KCNB2: variants seen among roughly 807,000 people sequenced by gnomAD.
KCNB2 encodes delayed rectifier potassium channel protein.
A neutral mutation model predicts 61.5 loss-of-function variants in KCNB2; 15 were observed. That is an observed-to-expected ratio of 0.24 (90% CI 0.16 to 0.38). The LOEUF is 0.38. KCNB2 is among the 10% of genes least tolerant of loss of function. The pLI is 1.00. For missense variants in KCNB2, 828 were observed against 1,125.2 expected (o/e 0.74, Z 3.78); for synonymous variants, 457 against 446.0 (o/e 1.02, Z -0.31).
intron 2 of KCNB2, among the ~76,000 whole-genome samples, chr8:72,898,668 T>G (rs1245383841): frequency 6.6e-6 from 1 of 152,152 alleles, no homozygotes; most frequent in Non-Finnish European, 1.5e-5. Flanking sequence ...ATTTTTTAAT[T>G]TCAACTTTTA....
intron 2 of KCNB2, among the ~76,000 whole-genome samples, chr8:72,841,361 C>CTTTT (rs796222096): frequency 2.3e-4 from 15 of 66,184 alleles, no homozygotes; most frequent in Admixed American, 3.0e-4. Context: ...GTTTTCTTTT[C>CTTTT]TTTTTTTTTT....
intron 2 of KCNB2, among the ~76,000 whole-genome samples, chr8:72,774,023 G>A (rs753239694): frequency 7.9e-5 from 12 of 152,130 alleles, no homozygotes; most frequent in Admixed American, 2.0e-4. Context: ...AATATCAAGG[G>A]CTTATTATAT....
At chr8:72,771,742 G>A (rs938536697) in intron 2 of KCNB2, among the ~76,000 whole-genome samples, 1 of 152,006 alleles carries the variant, frequency 6.6e-6, no homozygotes, top group Admixed American at 6.6e-5. Flanking sequence ...GGGAAGTCTT[G>A]CCAGGGTCAA....
At chr8:72,809,965 T>A (rs1809281609) in intron 2 of KCNB2, among the ~76,000 whole-genome samples, 1 of 152,210 alleles carries the variant, frequency 6.6e-6, no homozygotes, top group Non-Finnish European at 1.5e-5. Context: ...TTCTACATAC[T>A]GTCAATGGGA....
At chr8:72,761,411 A>G (rs1177941543) in intron 2 of KCNB2, among the ~76,000 whole-genome samples, 1 of 152,148 alleles carries the variant, frequency 6.6e-6, no homozygotes, top group African/African-American at 2.4e-5. Context: ...GCCCCTTCCA[A>G]CAATGCCTAA....
At chr8:72,684,927 C>T (rs1317011655) in intron 2 of KCNB2, among the ~76,000 whole-genome samples, 1 of 152,166 alleles carries the variant, frequency 6.6e-6, no homozygotes, top group Admixed American at 6.5e-5. Context: ...ATATAGTCAT[C>T]TTTATTCCTT....
intron 2 of KCNB2, among the ~76,000 whole-genome samples, chr8:72,831,382 T>TA (rs1809691741): frequency 6.6e-6 from 1 of 152,200 alleles, no homozygotes; most frequent in African/African-American, 2.4e-5. Flanking sequence ...AAGCAAGTTT[T>TA]AAAAAATCAC....
At chr8:72,660,839 T>G (rs1806368221) in intron 2 of KCNB2, 1 of 152,198 alleles carries the variant, frequency 6.6e-6, no homozygotes, top group Admixed American at 6.5e-5. Context: ...GAAAATTCAT[T>G]CTTTAATATA....
chr8:72,681,277 G>T (rs1284872327), intron 2 of KCNB2, among the ~76,000 whole-genome samples: 1 of 152,070 alleles, frequency 6.6e-6, no homozygotes, highest in Non-Finnish European at 1.5e-5. Flanking sequence ...AAAAAAGACA[G>T]TAGGAATATA....
At chr8:72,682,650 G>A (rs1488720830) in intron 2 of KCNB2, among the ~76,000 whole-genome samples, 2 of 151,836 alleles carry the variant, frequency 1.3e-5, no homozygotes, top group Non-Finnish European at 2.9e-5. Context: ...ATGGAATGCG[G>A]TGGCACAATC....
chr8:72,748,562 A>G (rs940520375), intron 2 of KCNB2, among the ~76,000 whole-genome samples: 1 of 149,830 alleles, frequency 6.7e-6, no homozygotes, highest in South Asian at 2.1e-4. Context: ...TATTTTTCCA[A>G]TCCTACTGAA....
chr8:72,568,990 G>A (rs915381375), intron 2 of KCNB2, among the ~76,000 whole-genome samples: 1 of 151,792 alleles, frequency 6.6e-6, no homozygotes, highest in Non-Finnish European at 1.5e-5. Context: ...TAAAATGAAG[G>A]TAAATTCATA....
At chr8:72,854,595 G>A (rs150829852) in intron 2 of KCNB2, among the ~76,000 whole-genome samples, 58 of 152,252 alleles carry the variant, frequency 3.8e-4, no homozygotes, top group African/African-American at 1.3e-3. Context: ...TGTAGATAAT[G>A]AGACTGACTT....
intron 2 of KCNB2, among the ~76,000 whole-genome samples, chr8:72,727,019 T>C (rs1807661868): frequency 6.6e-6 from 1 of 152,218 alleles, no homozygotes; most frequent in Admixed American, 6.5e-5. Flanking sequence ...GCTTTTTATC[T>C]AATCACTATT....
intron 1 of KCNB2, among the ~76,000 whole-genome samples, chr8:72,561,733 A>ATATGTG (rs1554576127): frequency 1.1e-4 from 2 of 18,492 alleles, no homozygotes; most frequent in Non-Finnish European, 1.7e-4. Flanking sequence ...ATATATCTAT[A>ATATGTG]TCTATATATA....
At chr8:72,788,654 C>T (rs185782078) in intron 2 of KCNB2, among the ~76,000 whole-genome samples, 1 of 152,022 alleles carries the variant, frequency 6.6e-6, no homozygotes, top group Admixed American at 6.5e-5. Flanking sequence ...AGAGTTCTCT[C>T]CAAAAAGAGG....
chr8:72,924,463 ATTCAG>A (rs1218664965), intron 2 of KCNB2, among the ~76,000 whole-genome samples: 1 of 152,134 alleles, frequency 6.6e-6, no homozygotes, highest in African/African-American at 2.4e-5. Context: ...GCAGATTCTG[ATTCAG>A]TGGGCCTGGG....
intron 2 of KCNB2, among the ~76,000 whole-genome samples, chr8:72,934,660 T>C (rs1319364492): frequency 6.6e-6 from 1 of 152,134 alleles, no homozygotes; most frequent in Non-Finnish European, 1.5e-5. Flanking sequence ...AATATTTTTC[T>C]CAGTGCTACA....
At chr8:72,719,125 G>A (rs1356879138) in intron 2 of KCNB2, among the ~76,000 whole-genome samples, 1 of 151,830 alleles carries the variant, frequency 6.6e-6, no homozygotes, top group South Asian at 2.1e-4. Flanking sequence ...GTTTTTGCTG[G>A]TAAGTTAGAC....
Sources: allele counts gnomAD v4.1 joint callset (sites outside exome capture counted in the v4.1 genomes callset), GRCh38; gene constraint gnomAD v4.1.1; transcripts MANE v1.5; gene names NCBI Gene and HGNC (gene_info 2026-07-23, HGNC 2026-07-21).